MAPK8: variants seen among roughly 807,000 people sequenced by gnomAD.
MAPK8 encodes the protein JUN N-terminal kinase.
Under a neutral mutation model 52.9 loss-of-function variants are expected in MAPK8, and 13 were observed. The ratio of observed to expected loss-of-function variants is 0.25; its 90% CI spans 0.16 to 0.39. MAPK8 has a LOEUF of 0.39. Ranked by LOEUF, MAPK8 falls within the 10% of genes least tolerant of loss-of-function variation. The probability of loss-of-function intolerance (pLI) is 1.00; values close to 1 mark genes in which losing one functional copy is unlikely to be tolerated. For synonymous variants in MAPK8, 191 were observed against 169.8 expected (o/e 1.12, Z -0.97); for missense variants, 300 against 519.2 (o/e 0.58, Z 4.10).
At chr10:48,317,919 T>C (rs560094033) in intron 1 of MAPK8, among the ~76,000 whole-genome samples, 2 of 152,270 alleles carry the variant, frequency 1.3e-5, no homozygotes, top group South Asian at 4.2e-4. Context: ...TAAAGTGATA[T>C]CAGTCAGCCT....
intron 11 of MAPK8, among the ~76,000 whole-genome samples, chr10:48,433,299 C>G (rs1381447409): frequency 6.6e-6 from 1 of 151,896 alleles, no homozygotes; most frequent in East Asian, 1.9e-4. Flanking sequence ...AATAATAGAC[C>G]CTGAACTAGA....
At chr10:48,371,238 T>G (rs1848504312) in intron 1 of MAPK8, among the ~76,000 whole-genome samples, 1 of 152,166 alleles carries the variant, frequency 6.6e-6, no homozygotes, top group South Asian at 2.1e-4. Flanking sequence ...TTAGCTATAG[T>G]CTGGCTTTCT....
chr10:48,334,958 C>A (rs1844542760), intron 1 of MAPK8, among the ~76,000 whole-genome samples: 1 of 152,148 alleles, frequency 6.6e-6, no homozygotes, highest in Non-Finnish European at 1.5e-5. Context: ...GTTTCATTAT[C>A]CCCCTTATAA....
intron 1 of MAPK8, among the ~76,000 whole-genome samples, chr10:48,397,566 T>C (rs1465489794): frequency 6.6e-6 from 1 of 152,144 alleles, no homozygotes; most frequent in African/African-American, 2.4e-5. Flanking sequence ...AAGATGTTTC[T>C]TTGAGGTGAT....
intron 1 of MAPK8, among the ~76,000 whole-genome samples, chr10:48,331,919 T>C (rs1047737720): frequency 2.6e-5 from 4 of 152,138 alleles, no homozygotes; most frequent in African/African-American, 9.7e-5. Flanking sequence ...GTTTCTAGAT[T>C]AGTTTGGTGA....
Position 48,438,168 on chromosome 10 carries a change from T to A in MAPK8, c.*3139T>A, listed in dbSNP as rs1252904151. ...AGTTACACATTAGCTATAGAGTGGA[T>A]GCATGAAGCCCCATGACACCAGTAA... On this transcript the variant is annotated 3_prime_UTR_variant, in exon 12 of 12. Coordinates refer to ENST00000374189, the MANE Select transcript of MAPK8 (RefSeq NM_001323329.2). 6.6e-6 allele frequency: 1 copy of A among 152,234 alleles called. No individual in the cohort carries two copies. Among genetic ancestry groups the A allele is most frequent in the Admixed American group, 6.5e-5 (1 of 15,284 alleles). 9.4% of individuals were successfully genotyped at this position (152,234 alleles called of 1,614,324 possible). A position where few individuals can be genotyped will look rare whatever the true frequency, so the allele number is the denominator to read the frequency against.
chr10:48,389,559 T>G (rs748838396), intron 1 of MAPK8, among the ~76,000 whole-genome samples: 1 of 152,180 alleles, frequency 6.6e-6, no homozygotes, highest in Non-Finnish European at 1.5e-5. Flanking sequence ...ATCATCTTTC[T>G]CTTTCTCTTT....
chr10:48,427,163 A>T lies in MAPK8; in HGVS notation c.1060+20A>T, dbSNP rs770110965. Reference sequence around the variant, plus strand: ...GGAAAGGTACATTCGTCAGATTCTTAGAGGGAAAACTGTGAAGGAGCTTCT... The same window carrying T: ...GGAAAGGTACATTCGTCAGATTCTTTGAGGGAAAACTGTGAAGGAGCTTCT... On this transcript the variant is annotated intron_variant, in intron 10 of 11. Transcript: ENST00000374189. 2.5e-6 allele frequency: 4 copies of T among 1,591,660 alleles called. No homozygotes were observed. The Admixed American group carries it at 5.0e-5, about 20-fold the overall frequency.
At chr10:48,390,430 T>C (rs1216480707) in intron 1 of MAPK8, among the ~76,000 whole-genome samples, 1 of 152,208 alleles carries the variant, frequency 6.6e-6, no homozygotes, top group African/African-American at 2.4e-5. Flanking sequence ...TAAAAATAGA[T>C]AGGCTCTAAG....
intron 6 of MAPK8, among the ~76,000 whole-genome samples, chr10:48,421,720 C>G (rs377186367): frequency 1.3e-5 from 2 of 152,118 alleles, no homozygotes; most frequent in Non-Finnish European, 2.9e-5. Flanking sequence ...ATGAGAATCG[C>G]TTGAACCCGG....
intron 1 of MAPK8, among the ~76,000 whole-genome samples, chr10:48,317,803 A>T (rs535235394): frequency 1.3e-5 from 2 of 152,172 alleles, no homozygotes; most frequent in African/African-American, 4.8e-5. Flanking sequence ...TGTTTGCTCA[A>T]TGAAGCATGA....
intron 1 of MAPK8, among the ~76,000 whole-genome samples, chr10:48,339,383 A>G (rs1291939664): frequency 6.6e-6 from 1 of 152,228 alleles, no homozygotes; most frequent in African/African-American, 2.4e-5. Context: ...GGCTAGCCAT[A>G]TGTAGAAGAA....
At chr10:48,400,077 A>G (rs1271665189) in intron 1 of MAPK8, among the ~76,000 whole-genome samples, 1 of 152,226 alleles carries the variant, frequency 6.6e-6, no homozygotes, top group African/African-American at 2.4e-5. Context: ...GAGGGAATTC[A>G]GGTTATGGTA....
intron 1 of MAPK8, among the ~76,000 whole-genome samples, chr10:48,309,797 A>G (rs1841795112): frequency 6.6e-6 from 1 of 152,204 alleles, no homozygotes; most frequent in Admixed American, 6.5e-5. Flanking sequence ...AATACAAAAT[A>G]ATGTCTGACA....
intron 1 of MAPK8, among the ~76,000 whole-genome samples, chr10:48,351,941 T>G (rs770992463): frequency 2.0e-5 from 3 of 152,170 alleles, no homozygotes; most frequent in Non-Finnish European, 4.4e-5. Context: ...TTTGGAGCAT[T>G]TCGGATTTCA....
In MAPK8 at chr10:48,379,788, A is replaced by AT. The variant is rs535025773; in HGVS notation, c.-49-21819dup. The stretch of plus-strand genomic sequence containing the variant: ...TCAGTTTTTTATTCGAATTTTGGAA[A>AT]TTTTTACCTAGTCCAATGGTATCAT... On this transcript the variant is annotated intron_variant, in intron 1 of 11. Transcript: ENST00000374189. Among the ~76,000 whole-genome samples the AT allele has an allele frequency of 3.4e-4, 52 of 152,238 alleles. 1 individual carries two copies. In the South Asian group the frequency reaches 0.011, roughly 31 times the overall value.
chr10:48,419,182 A>T (rs140305625), intron 5 of MAPK8, among the ~76,000 whole-genome samples: 53 of 152,346 alleles, frequency 3.5e-4, no homozygotes, highest in South Asian at 6.2e-4. Flanking sequence ...GACAACATAC[A>T]TGCTTTTCTG....
chr10:48,396,477 C>A (rs1323437067), intron 1 of MAPK8, among the ~76,000 whole-genome samples: 1 of 152,172 alleles, frequency 6.6e-6, no homozygotes, highest in Non-Finnish European at 1.5e-5. Context: ...GGAACTAGAT[C>A]TTTCACACAT....
At chr10:48,339,814 C>G (rs1306676405) in intron 1 of MAPK8, among the ~76,000 whole-genome samples, 1 of 152,168 alleles carries the variant, frequency 6.6e-6, no homozygotes, top group African/African-American at 2.4e-5. Flanking sequence ...TGCAACATCA[C>G]TAATCATCAG....
Sources: gnomAD v4.1 joint callset for allele counts (sites outside exome capture counted in the v4.1 genomes callset) on GRCh38, gnomAD v4.1.1 for gene constraint, MANE v1.5 for transcripts, NCBI Gene and HGNC (gene_info 2026-07-23, HGNC 2026-07-21) for gene names.